MYRFL: variants seen among roughly 807,000 people sequenced by gnomAD.
MYRFL encodes myelin regulatory factor like, also known as myelin regulatory factor-like protein.
MYRFL carries 88 observed loss-of-function variants against 109.4 expected under a neutral mutation model. The ratio of observed to expected loss-of-function variants is 0.80; its 90% CI spans 0.68 to 0.96. The LOEUF (loss-of-function observed/expected upper bound fraction) is 0.96. MYRFL is among the 40% of genes least tolerant of loss of function. MYRFL has a pLI of 0.00. For synonymous variants in MYRFL, 324 were observed against 320.9 expected (o/e 1.01, Z -0.10); for missense variants, 957 against 954.9 (o/e 1.00, Z -0.03).
At chr12:69,916,069 A>T (rs1214877440) in intron 13 of MYRFL, among the ~76,000 whole-genome samples, 5 of 151,956 alleles carry the variant, frequency 3.3e-5, no homozygotes, top group Non-Finnish European at 7.4e-5. Flanking sequence ...ACTGTGGCTT[A>T]GTATGTGGGT....
intron 2 of MYRFL, among the ~76,000 whole-genome samples, chr12:69,857,887 G>C (rs1029353371): frequency 2.6e-5 from 4 of 151,698 alleles, no homozygotes; most frequent in African/African-American, 9.7e-5. Context: ...GGTAAGACCT[G>C]GGTATAGTAT....
At chr12:69,957,792 G>T (rs2120567824) in intron 22 of MYRFL, 30 bp from the exon 23 acceptor site, 1 of 1,504,036 alleles carries the variant, frequency 6.6e-7, no homozygotes, top group East Asian at 2.5e-5. Flanking sequence ...TGCTTTTTCA[G>T]GTGCTCTTTC....
intron 1 of MYRFL, among the ~76,000 whole-genome samples, chr12:69,844,895 C>T (rs961242214): frequency 6.6e-6 from 1 of 152,130 alleles, no homozygotes; most frequent in African/African-American, 2.4e-5. Context: ...TTCCCACAAG[C>T]AACCAGAATG....
Position 69,903,823 on chromosome 12 carries a change from G to A in MYRFL, c.1362G>A (p.Arg454=). The A allele has an allele frequency of 6.5e-7, 1 of 1,533,238 alleles. No individual in the cohort carries two copies. The highest frequency in any genetic ancestry group is 8.7e-7 in the Non-Finnish European group (1 of 1,144,962). 95.0% of individuals were successfully genotyped at this position (1,533,238 alleles called of 1,614,324 possible). ...MGTIMHPSDS[R]AKQNIQEVDT... is the part of the protein sequence containing the mutation. ...CCATCATGCATCCCTCTGACAGCCG[G>A]GCAAAGCAGAATATCCAGGAGGTGA... The change falls in exon 11 of 25, where the codon CGG becomes CGA. Residue 454 remains arginine (R), a synonymous_variant. Transcript: ENST00000552032.
chr12:69,854,102 C>T (rs112309682), intron 1 of MYRFL, among the ~76,000 whole-genome samples: 1,600 of 152,298 alleles, frequency 0.011, 23 homozygotes, highest in African/African-American at 0.036. Context: ...CCCGGCACCT[C>T]GGGAGGCCGA....
chr12:69,878,669 T>A (rs369194030), intron 2 of MYRFL, among the ~76,000 whole-genome samples: 13 of 152,352 alleles, frequency 8.5e-5, no homozygotes, highest in African/African-American at 2.9e-4. Flanking sequence ...TGGGACATTA[T>A]GTTAATGGGC....
chr12:69,854,345 G>A (rs994993720), intron 1 of MYRFL, among the ~76,000 whole-genome samples: 4 of 140,326 alleles, frequency 2.9e-5, no homozygotes, highest in Non-Finnish European at 4.7e-5. Context: ...GAGGGGGAGG[G>A]GGAGGGAGAG....
intron 19 of MYRFL, among the ~76,000 whole-genome samples, chr12:69,947,587 G>A (rs1332317092): frequency 6.6e-6 from 1 of 152,156 alleles, no homozygotes; most frequent in Non-Finnish European, 1.5e-5. Flanking sequence ...AGACAGGAGA[G>A]TTAGATATTA....
intron 13 of MYRFL, among the ~76,000 whole-genome samples, chr12:69,918,258 G>A (rs182491655): frequency 1.3e-5 from 2 of 152,158 alleles, no homozygotes; most frequent in Admixed American, 1.3e-4. Flanking sequence ...TACCTTCTTG[G>A]CCCTATGGAC....
intron 19 of MYRFL, 73 bp from the exon 20 acceptor site, chr12:69,952,040 C>G: frequency 7.9e-7 from 1 of 1,268,886 alleles, no homozygotes; most frequent in Non-Finnish European, 1.1e-6. Flanking sequence ...CAGAGATGAA[C>G]TAGGTCACAC....
chr12:69,949,294 G>A (rs1180002665), intron 19 of MYRFL, among the ~76,000 whole-genome samples: 2 of 151,296 alleles, frequency 1.3e-5, no homozygotes, highest in African/African-American at 4.9e-5. Flanking sequence ...TTTGTTAGGT[G>A]TACTTAGCGA....
At chr12:69,930,337 G>A (rs1033011541) in intron 15 of MYRFL, among the ~76,000 whole-genome samples, 5 of 152,122 alleles carry the variant, frequency 3.3e-5, no homozygotes, top group Middle Eastern at 3.2e-3. Flanking sequence ...TCATTCTGGA[G>A]GAAGATTGAA....
chr12:69,950,553 C>T lies in MYRFL; in HGVS notation c.2225-1560C>T, dbSNP rs1955948542. On this transcript the variant is annotated intron_variant, in intron 19 of 24. Transcript: ENST00000552032. Reference sequence around the variant, plus strand: ...TGAGTATGTCCCTACTCCTTTGCAACTTCATATGAGCCAGGCTTCAGTTGA... The same window carrying T: ...TGAGTATGTCCCTACTCCTTTGCAATTTCATATGAGCCAGGCTTCAGTTGA... Among the ~76,000 whole-genome samples the T allele has an allele frequency of 2.6e-5, 4 of 152,268 alleles. No individual in the cohort carries two copies. In the South Asian group the frequency reaches 6.2e-4, roughly 24 times the overall value.
Position 69,952,170 on chromosome 12 carries a change from G to T in MYRFL, c.2282G>T (p.Ser761Ile). The change falls in exon 20 of 25, where the codon AGT becomes ATT. Residue 761 changes from serine to isoleucine, a missense_variant. Physicochemically the swap from Ser to Ile is moderately radical, Grantham distance 142. Coordinates refer to ENST00000552032, the MANE Select transcript of MYRFL (RefSeq NM_182530.3). ...GCACTCAGCGGCCCTGACTGGGAGAGTGACTGTAAGTTGACATTTAAGTGA... is the reference window on the plus strand; with the variant it reads ...GCACTCAGCGGCCCTGACTGGGAGATTGACTGTAAGTTGACATTTAAGTGA... ...RNALSGPDWE[S>I]DWIDTTISSI... 6.5e-7 allele frequency: 1 copy of T among 1,536,124 alleles called. No homozygotes were observed. The highest frequency in any genetic ancestry group is 1.4e-5 in the African/African-American group (1 of 73,180).
intron 1 of MYRFL, among the ~76,000 whole-genome samples, chr12:69,832,213 T>C (rs1882670754): frequency 6.6e-6 from 1 of 152,158 alleles, no homozygotes; most frequent in Non-Finnish European, 1.5e-5. Flanking sequence ...TTTTGAGCAA[T>C]GTTATATGCC....
At chr12:69,861,510 A>AT (rs569050707) in intron 2 of MYRFL, among the ~76,000 whole-genome samples, 1,568 of 152,176 alleles carry the variant, frequency 0.01, 28 homozygotes, top group African/African-American at 0.036. Context: ...GATGATGAGC[A>AT]TTTTTTCATG....
At chr12:69,838,311 C>G (rs1883063091) in intron 1 of MYRFL, among the ~76,000 whole-genome samples, 1 of 152,182 alleles carries the variant, frequency 6.6e-6, no homozygotes, top group Admixed American at 6.5e-5. Context: ...GCTGTCCTTC[C>G]TTTTGAAAGG....
Position 69,825,330 on chromosome 12 carries a change from A to T in MYRFL, c.-188A>T. The T allele has an allele frequency of 2.9e-6, 2 of 696,538 alleles. No individual in the cohort carries two copies. Among genetic ancestry groups the T allele is most frequent in the South Asian group, 3.0e-5 (2 of 66,422 alleles). The allele number at this position is 696,538 out of a possible 1,614,324, so 43.1% of individuals were successfully genotyped here. A position where few individuals can be genotyped will look rare whatever the true frequency, so the allele number is the denominator to read the frequency against. On this transcript the variant is annotated 5_prime_UTR_variant, in exon 1 of 25. Transcript: ENST00000552032. ...GGTTGTATATCCTTCCAGTTTTATA[A>T]TCACATTTGAAAACTCAACCATCTT...
In MYRFL at chr12:69,895,500, G is replaced by A; in HGVS notation, c.1091+19G>A. 2 of 1,526,832 alleles carry A rather than the reference G, an allele frequency of 1.3e-6. No homozygotes were observed. The highest frequency in any genetic ancestry group is 1.8e-6 in the Non-Finnish European group (2 of 1,138,656). 94.6% of individuals were successfully genotyped at this position (1,526,832 alleles called of 1,614,324 possible). A position where few individuals can be genotyped will look rare whatever the true frequency, so the allele number is the denominator to read the frequency against. On this transcript the variant is annotated intron_variant, in intron 9 of 24. Transcript: ENST00000552032. Reference sequence around the variant, plus strand: ...ACCAGAGGTACTGATGTCACTGTGTGCATGGCAGTGTGGCTGGGTACTTTA... The same window carrying A: ...ACCAGAGGTACTGATGTCACTGTGTACATGGCAGTGTGGCTGGGTACTTTA...
Sources: gnomAD v4.1 joint callset for allele counts (sites outside exome capture counted in the v4.1 genomes callset) on GRCh38, gnomAD v4.1.1 for gene constraint, MANE v1.5 for transcripts, NCBI Gene and HGNC (gene_info 2026-07-23, HGNC 2026-07-21) for gene names.